Variants in SRPK2 observed in about 807,000 individuals in gnomAD.
The protein encoded by SRPK2 is SFRS protein kinase 2.
Under a neutral mutation model 90.8 loss-of-function variants are expected in SRPK2, and 21 were observed. That is an observed-to-expected ratio of 0.23 (90% CI 0.16 to 0.33). The LOEUF is 0.33. Ranked by LOEUF, SRPK2 falls within the 10% of genes least tolerant of loss-of-function variation. SRPK2 has a pLI of 1.00. For missense variants in SRPK2, 620 were observed against 869.0 expected, an observed-to-expected ratio of 0.71 and a Z score of 3.60; for synonymous variants, 288 against 311.1, an observed-to-expected ratio of 0.93 and a Z score of 0.78.
chr7:105,293,436 A>AT (rs1563202965), intron 2 of SRPK2, among the ~76,000 whole-genome samples: 3 of 140,044 alleles, frequency 2.1e-5, no homozygotes, highest in African/African-American at 8.6e-5. Context: ...GTAGATACAA[A>AT]TATCATTTCC....
intron 2 of SRPK2, among the ~76,000 whole-genome samples, chr7:105,377,001 G>A (rs1820389998): frequency 1.3e-5 from 2 of 151,808 alleles, no homozygotes; most frequent in Admixed American, 6.6e-5. Context: ...ACAGCTGCAA[G>A]GTTGCTTTTA....
At chr7:105,155,248 C>A (rs1257322752) in intron 7 of SRPK2, among the ~76,000 whole-genome samples, 2 of 152,186 alleles carry the variant, frequency 1.3e-5, no homozygotes, top group Admixed American at 6.5e-5. Flanking sequence ...TCCCAAAGTG[C>A]AGGGATTACA....
intron 2 of SRPK2, among the ~76,000 whole-genome samples, chr7:105,232,074 G>C (rs894442490): frequency 6.6e-6 from 1 of 152,124 alleles, no homozygotes; most frequent in East Asian, 1.9e-4. Context: ...GACTGGTCTC[G>C]AACTCCTGGG....
intron 2 of SRPK2, among the ~76,000 whole-genome samples, chr7:105,369,923 A>G (rs1819510904): frequency 6.6e-6 from 1 of 152,104 alleles, no homozygotes; most frequent in Non-Finnish European, 1.5e-5. Context: ...GCTACTCAGG[A>G]GGCTGAGGCA....
chr7:105,391,912 C>G (rs1372326958), upstream of SRPK2, among the ~76,000 whole-genome samples: 1 of 152,136 alleles, frequency 6.6e-6, no homozygotes, highest in Non-Finnish European at 1.5e-5. Context: ...CATGAGTGTT[C>G]ATAGCAGCGC....
At chr7:105,123,822 G>A (rs1410378800) in intron 15 of SRPK2, among the ~76,000 whole-genome samples, 2 of 152,092 alleles carry the variant, frequency 1.3e-5, no homozygotes, top group African/African-American at 4.8e-5. Context: ...CATTTCAGGG[G>A]ATTTCTCACC....
intron 2 of SRPK2, among the ~76,000 whole-genome samples, chr7:105,269,902 A>G (rs530786992): frequency 2.6e-5 from 4 of 152,374 alleles, no homozygotes; most frequent in African/African-American, 9.6e-5. Flanking sequence ...TAAAAAGTTC[A>G]CATACTAAAA....
intron 2 of SRPK2, among the ~76,000 whole-genome samples, chr7:105,240,185 A>C (rs1288287570): frequency 6.6e-6 from 1 of 152,172 alleles, no homozygotes; most frequent in Non-Finnish European, 1.5e-5. Flanking sequence ...GGGGCCTTCC[A>C]GCTGTGTCCT....
At chr7:105,161,990 C>T (rs1807728690) in intron 6 of SRPK2, among the ~76,000 whole-genome samples, 1 of 152,218 alleles carries the variant, frequency 6.6e-6, no homozygotes, top group African/African-American at 2.4e-5. Flanking sequence ...TAAAGATACT[C>T]TCTTGCCTTA....
At chr7:105,243,634 A>T (rs1178849749) in intron 2 of SRPK2, among the ~76,000 whole-genome samples, 1 of 148,458 alleles carries the variant, frequency 6.7e-6, no homozygotes, top group African/African-American at 2.5e-5. Flanking sequence ...CCATCTCAAA[A>T]AAAAAAAAAA....
At chr7:105,389,424 TGG>T (rs1822078346), upstream of SRPK2, 3 of 1,203,504 alleles carry the variant, frequency 2.5e-6, no homozygotes, top group East Asian at 2.7e-4. Flanking sequence ...GACCAAAAGC[TGG>T]GAAACCTGGG....
At chr7:105,248,391 G>A (rs1044227996) in intron 2 of SRPK2, among the ~76,000 whole-genome samples, 16 of 146,570 alleles carry the variant, frequency 1.1e-4, no homozygotes, top group Admixed American at 2.1e-4. Flanking sequence ...AGGAATCTGA[G>A]AGTAGACTGA....
chr7:105,165,826 T>C (rs1789981220), intron 6 of SRPK2, among the ~76,000 whole-genome samples: 1 of 152,186 alleles, frequency 6.6e-6, no homozygotes, highest in South Asian at 2.1e-4. Flanking sequence ...CTCTTCAAAA[T>C]AAATCTTGTT....
chr7:105,145,230 T>C (rs952395303), intron 9 of SRPK2, 53 bp downstream of exon 9: 44 of 1,418,210 alleles, frequency 3.1e-5, no homozygotes, highest in Non-Finnish European at 3.9e-5. Flanking sequence ...AACTCAATAA[T>C]AAACGGTCTC....
intron 3 of SRPK2, among the ~76,000 whole-genome samples, chr7:105,175,198 C>G (rs1164601741): frequency 1.3e-5 from 2 of 150,422 alleles, no homozygotes; most frequent in Non-Finnish European, 3.0e-5. Flanking sequence ...GTCCTCAGAC[C>G]ATAACAGAAT....
intron 2 of SRPK2, among the ~76,000 whole-genome samples, chr7:105,371,103 C>A (rs1325191798): frequency 6.6e-6 from 1 of 151,920 alleles, no homozygotes; most frequent in Non-Finnish European, 1.5e-5. Flanking sequence ...CAAACAGTAT[C>A]CCTCAAAAAA....
chr7:105,225,296 G>T (rs1489134833), intron 2 of SRPK2, among the ~76,000 whole-genome samples: 7 of 152,166 alleles, frequency 4.6e-5, no homozygotes, highest in Non-Finnish European at 8.8e-5. Context: ...TTTATTTAAG[G>T]CTAGCAACTA....
chr7:105,187,937 G>A (rs1793798051), intron 3 of SRPK2, among the ~76,000 whole-genome samples: 1 of 152,160 alleles, frequency 6.6e-6, no homozygotes, highest in Non-Finnish European at 1.5e-5. Flanking sequence ...TAGGATTGCT[G>A]GTGGGAATAT....
At chr7:105,279,823 C>T (rs1807021944) in intron 2 of SRPK2, among the ~76,000 whole-genome samples, 1 of 152,200 alleles carries the variant, frequency 6.6e-6, no homozygotes, top group South Asian at 2.1e-4. Flanking sequence ...TACCCTGACT[C>T]TGTCAAGTAG....
Sources: gnomAD v4.1 joint callset for allele counts (sites outside exome capture counted in the v4.1 genomes callset) on GRCh38, gnomAD v4.1.1 for gene constraint, MANE v1.5 for transcripts, NCBI Gene and HGNC (gene_info 2026-07-23, HGNC 2026-07-21) for gene names.